The following OSBPL5 variants were observed in gnomAD, a reference collection of about 807,000 sequenced individuals.
OSBPL5 encodes the protein oxysterol binding protein like 5.
A neutral mutation model predicts 111.2 loss-of-function variants in OSBPL5; 71 were observed. The observed-to-expected ratio is 0.64, with a 90% CI of 0.53 to 0.78. The LOEUF (loss-of-function observed/expected upper bound fraction) is 0.78. Ranked by LOEUF, OSBPL5 falls within the 30% of genes least tolerant of loss-of-function variation. OSBPL5 has a pLI of 0.00. For synonymous variants in OSBPL5, 549 were observed against 513.9 expected (o/e 1.07, Z -0.93); for missense variants, 1,210 against 1,189.3 (o/e 1.02, Z -0.26).
chr11:3,147,177 G>A (rs1251360109), intron 1 of OSBPL5, among the ~76,000 whole-genome samples: 1 of 152,240 alleles, frequency 6.6e-6, no homozygotes, highest in African/African-American at 2.4e-5. Flanking sequence ...TGAGGCCTGA[G>A]TGCTGGACTT....
Position 3,090,672 on chromosome 11 carries a change from G to A in OSBPL5, c.2284C>T (p.Arg762Cys), listed in dbSNP as rs779353532. The A allele has an allele frequency of 8.7e-6, 14 of 1,611,358 alleles. No homozygotes were observed. The Admixed American group carries it at 1.0e-4, about 12-fold the overall frequency. The change falls in exon 20 of 22, where the codon CGC becomes TGC. Residue 762 changes from arginine to cysteine, a missense_variant. Arg to Cys is a radical substitution (Grantham distance 180, BLOSUM62 -3). Coordinates refer to ENST00000263650, the MANE Select transcript of OSBPL5 (RefSeq NM_020896.4). ...CCGGAGGGCTGGTCGCTGGCCTTGCGAAGCCGCTGGTCTGGGCCAGACCTC... is the reference window on the plus strand; with the variant it reads ...CCGGAGGGCTGGTCGCTGGCCTTGCAAAGCCGCTGGTCTGGGCCAGACCTC... Reference protein sequence around the residue: ...HERSGPDQRLRKASDQPSGHS... With the variant: ...HERSGPDQRLCKASDQPSGHS...
intron 1 of OSBPL5, among the ~76,000 whole-genome samples, chr11:3,144,719 T>G (rs1450144670): frequency 6.6e-6 from 1 of 152,212 alleles, no homozygotes; most frequent in Non-Finnish European, 1.5e-5. Context: ...TTACAAATCC[T>G]GCAAGCCCGG....
At chr11:3,118,705 G>T (rs1858296269) in intron 7 of OSBPL5, among the ~76,000 whole-genome samples, 1 of 150,606 alleles carries the variant, frequency 6.6e-6, no homozygotes, top group Non-Finnish European at 1.5e-5. Flanking sequence ...CTGAGTAGTT[G>T]GGATCACGGG....
intron 7 of OSBPL5, among the ~76,000 whole-genome samples, chr11:3,108,769 TTTTG>T (rs139260694): frequency 0.5 from 75,147 of 151,592 alleles, 20,618 homozygotes; most frequent in African/African-American, 0.72. Context: ...TTAATAAGGT[TTTTG>T]TTTGTTTGTT....
chr11:3,134,532 G>C (rs1211434165), intron 1 of OSBPL5, among the ~76,000 whole-genome samples: 1 of 152,208 alleles, frequency 6.6e-6, no homozygotes, highest in Non-Finnish European at 1.5e-5. Flanking sequence ...TCCTGCTGCT[G>C]GTCCCTAGCC....
At chr11:3,102,631 C>G (rs1177656651) in intron 11 of OSBPL5, among the ~76,000 whole-genome samples, 1 of 152,022 alleles carries the variant, frequency 6.6e-6, no homozygotes, top group Non-Finnish European at 1.5e-5. Context: ...AGTCCTGCCT[C>G]TACCCCAAAC....
intron 7 of OSBPL5, among the ~76,000 whole-genome samples, chr11:3,117,580 G>A (rs946499059): frequency 6.6e-6 from 1 of 152,106 alleles, no homozygotes; most frequent in African/African-American, 2.4e-5. Context: ...AGTTAAAATG[G>A]GAAACTGGAG....
chr11:3,090,085 G>C lies in OSBPL5; in HGVS notation c.2399-137C>G, dbSNP rs2134377858. 3 of 630,668 alleles carry C rather than the reference G, an allele frequency of 4.8e-6. No individual in the cohort carries two copies. The Middle Eastern group carries it at 1.2e-3, about 259-fold the overall frequency. 39.1% of individuals were successfully genotyped at this position (630,668 alleles called of 1,614,324 possible). The stretch of plus-strand genomic sequence containing the variant: ...CCCCACCTCATGGGAAACCTGCAGG[G>C]CCAAGCTGAAGACACGGAGATGAGG... On this transcript the variant is annotated intron_variant, in intron 20 of 21. Coordinates refer to ENST00000263650, the MANE Select transcript of OSBPL5 (RefSeq NM_020896.4).
chr11:3,129,720 C>T (rs981511729), intron 1 of OSBPL5, among the ~76,000 whole-genome samples: 66 of 152,340 alleles, frequency 4.3e-4, no homozygotes, highest in African/African-American at 1.6e-3. Context: ...TGGTTAAGCC[C>T]GCCTGAAGCT....
chr11:3,120,382 T>C (rs1293317984), intron 6 of OSBPL5, 39 bp downstream of exon 6: 2 of 1,585,170 alleles, frequency 1.3e-6, no homozygotes, highest in East Asian at 4.6e-5. Context: ...CCCTTGGCCC[T>C]ACGGGGCCTC....
At chr11:3,103,855 T>TCTTCCTGC (rs1857589896) in intron 10 of OSBPL5, among the ~76,000 whole-genome samples, 2 of 102,360 alleles carry the variant, frequency 2.0e-5, no homozygotes, top group Non-Finnish European at 4.0e-5. Flanking sequence ...CCCTTTCCAG[T>TCTTCCTGC]CTGCGCAGCC....
At chr11:3,116,010 T>C (rs1858195345) in intron 7 of OSBPL5, among the ~76,000 whole-genome samples, 1 of 152,174 alleles carries the variant, frequency 6.6e-6, no homozygotes, top group African/African-American at 2.4e-5. Flanking sequence ...AATCAAATTA[T>C]AAATTATGTC....
chr11:3,088,240 C>T lies in OSBPL5; in HGVS notation c.2605G>A (p.Ala869Thr), dbSNP rs746601067. The T allele has an allele frequency of 5.0e-6, 8 of 1,604,790 alleles. No individual in the cohort carries two copies. The African/African-American group carries it at 1.1e-4, about 21-fold the overall frequency. Residue 869 changes from alanine to threonine, a missense_variant, in exon 22 of 22, where the codon GCG (alanine) becomes ACG (threonine). Ala to Thr is a moderately conservative substitution (Grantham distance 58). Transcript: ENST00000263650. ...ATGTGGTTAATGAACAGCTGACACG[C>T]CAGGAACACGCAGAGCAGGAACCAG... ...RSWFLLCVFL[A>T]CQLFINHILK
At chr11:3,148,848 A>G (rs1846462809) in intron 1 of OSBPL5, among the ~76,000 whole-genome samples, 1 of 152,242 alleles carries the variant, frequency 6.6e-6, no homozygotes, top group Non-Finnish European at 1.5e-5. Context: ...CAAACAGGTG[A>G]AAAATCAAGT....
At position 3,093,891 on chromosome 11, in the gene OSBPL5, T is replaced by C; in HGVS notation, c.1720-56A>G. ...TGAGCGGGGGCTGGGGCCTCCAGAA[T>C]CACATCCTCATGGGGGCACGGAACA... On this transcript the variant is annotated intron_variant, in intron 15 of 21. Coordinates refer to ENST00000263650, the MANE Select transcript of OSBPL5 (RefSeq NM_020896.4). 3 of 1,553,452 alleles carry C rather than the reference T, an allele frequency of 1.9e-6. No individual in the cohort carries two copies. In the East Asian group the frequency reaches 7.1e-5, roughly 37 times the overall value.
chr11:3,144,221 C>G (rs4335524), intron 1 of OSBPL5, among the ~76,000 whole-genome samples: 94,701 of 152,030 alleles, frequency 0.62, 31,118 homozygotes, highest in Non-Finnish European at 0.74. Flanking sequence ...AACATGCCCC[C>G]TCCTCTGCAG....
intron 1 of OSBPL5, among the ~76,000 whole-genome samples, chr11:3,136,832 A>G (rs926749673): frequency 3.3e-5 from 5 of 152,230 alleles, no homozygotes; most frequent in South Asian, 2.1e-4. Flanking sequence ...TGCTCCATCA[A>G]TTGGCAGGGG....
At chr11:3,122,490 A>G in intron 3 of OSBPL5, 62 bp from the exon 4 acceptor site, 4 of 1,516,698 alleles carry the variant, frequency 2.6e-6, no homozygotes, top group Non-Finnish European at 3.6e-6. Flanking sequence ...CTAGGAGCCC[A>G]GGTTGGCCTG....
chr11:3,092,313 G>T lies in OSBPL5; in HGVS notation c.2259+119C>A. 1 of 1,325,766 alleles carries T rather than the reference G, an allele frequency of 7.5e-7. No homozygotes were observed. The highest frequency in any genetic ancestry group is 1.6e-5 in the South Asian group (1 of 64,050). The allele number at this position is 1,325,766 out of a possible 1,614,324, so 82.1% of individuals were successfully genotyped here. On this transcript the variant is annotated intron_variant, in intron 19 of 21. Coordinates refer to ENST00000263650, the MANE Select transcript of OSBPL5 (RefSeq NM_020896.4). The surrounding 1 kb of genome is among the most constrained non-coding windows in gnomAD (Gnocchi z 5.4). ...AGGAAAGGGGACGAGGGGGCTGGGG[G>T]ATGAGGGCGTGAGGGAAACGGAGCG...
Sources: gnomAD v4.1 joint callset for allele counts (sites outside exome capture counted in the v4.1 genomes callset) on GRCh38, gnomAD v4.1.1 for gene constraint, Gnocchi (gnomAD v3.1) non-coding constraint, MANE v1.5 for transcripts, NCBI Gene and HGNC (gene_info 2026-07-23, HGNC 2026-07-21) for gene names.